Variants in TMC3 observed in about 807,000 individuals in gnomAD.
The protein encoded by TMC3 is transmembrane channel like 3.
TMC3 carries 98 observed loss-of-function variants against 110.6 expected under a neutral mutation model. The observed-to-expected ratio is 0.89, with a 90% CI of 0.75 to 1.05. TMC3 has a LOEUF of 1.05. TMC3 is among the 50% of genes least tolerant of loss of function. TMC3 has a pLI of 0.00. For missense variants in TMC3, 1,319 were observed against 1,373.2 expected, an observed-to-expected ratio of 0.96 and a Z score of 0.62; for synonymous variants, 489 against 513.1, an observed-to-expected ratio of 0.95 and a Z score of 0.63.
chr15:81,349,942 G>C (rs1480770264), intron 10 of TMC3, among the ~76,000 whole-genome samples: 2 of 139,616 alleles, frequency 1.4e-5, no homozygotes, highest in African/African-American at 5.7e-5. Flanking sequence ...GGGCAACACA[G>C]CAAGACCCCA....
In TMC3 at chr15:81,355,917, C is replaced by G. The variant is rs553356164; in HGVS notation, c.892-149G>C. The stretch of plus-strand genomic sequence containing the variant: ...CAATTGATATAAATGAATTAGATAT[C>G]AATAATCTAATCAATTGAAAAAATA... On this transcript the variant is annotated intron_variant, in intron 8 of 21. Transcript: ENST00000359440. The G allele has an allele frequency of 8.1e-5, 46 of 571,110 alleles. No homozygotes were observed. In the East Asian group the frequency reaches 1.2e-3, roughly 14 times the overall value. The allele number at this position is 571,110 out of a possible 1,614,324, so 35.4% of individuals were successfully genotyped here. A position where few individuals can be genotyped will look rare whatever the true frequency, so the allele number is the denominator to read the frequency against.
intron 13 of TMC3, among the ~76,000 whole-genome samples, chr15:81,344,263 G>A (rs1254652446): frequency 6.6e-6 from 1 of 152,190 alleles, no homozygotes; most frequent in Non-Finnish European, 1.5e-5. Flanking sequence ...ATTTGAATTC[G>A]AATTTTGATA....
At chr15:81,357,334 G>C (rs1341119160) in intron 7 of TMC3, among the ~76,000 whole-genome samples, 2 of 151,880 alleles carry the variant, frequency 1.3e-5, no homozygotes, top group East Asian at 3.9e-4. Context: ...GCTTCTATCT[G>C]CATTTTGCTA....
intron 1 of TMC3, 133 bp from the exon 2 acceptor site, chr15:81,372,870 C>CGTGCGT (rs1555429987): frequency 1.8e-5 from 10 of 555,606 alleles, no homozygotes; most frequent in East Asian, 5.8e-5. Flanking sequence ...TGTGTTTGTG[C>CGTGCGT]GTGTGTGTGT....
In TMC3 at chr15:81,372,704, T is replaced by C; in HGVS notation, c.123A>G (p.Thr41=). 1 of 1,614,020 alleles carries C rather than the reference T, an allele frequency of 6.2e-7. No homozygotes were observed. Among genetic ancestry groups the C allele is most frequent in the Non-Finnish European group, 8.5e-7 (1 of 1,179,880 alleles). ...NLDDSFSADE[T]GDSNDPEQIF... ...TTTGTTCCGGATCATTGCTGTCCCC[T>C]GTTTCATCAGCACTAAAGCTGTCAT... Residue 41 remains threonine (T), a synonymous_variant, in exon 2 of 22, where the codon ACA becomes ACG. Coordinates refer to ENST00000359440, the MANE Select transcript of TMC3 (RefSeq NM_001080532.3).
At position 81,344,774 on chromosome 15, in the gene TMC3, C is replaced by T. The variant is rs996652178; in HGVS notation, c.1510G>A (p.Val504Ile). 32 of 1,613,638 alleles carry T rather than the reference C, an allele frequency of 2.0e-5. No homozygotes were observed. The highest frequency in any genetic ancestry group is 1.3e-4 in the Admixed American group (8 of 60,008). ...AGGGTAAAGAGAACCACCTGACCAA[C>T]GTATGTCTCCCAGCACTGGTCTTGT... Reference protein sequence around the residue: ...SPQDQCWETYVGQEMLKLSII... With the variant: ...SPQDQCWETYIGQEMLKLSII... The change falls in exon 13 of 22, where the codon GTT becomes ATT. Residue 504 changes from valine (V) to isoleucine (I), a missense_variant. Val to Ile is a conservative substitution (Grantham distance 29). Coordinates refer to ENST00000359440, the MANE Select transcript of TMC3 (RefSeq NM_001080532.3).
intron 2 of TMC3, among the ~76,000 whole-genome samples, chr15:81,369,542 T>G (rs1441482839): frequency 6.6e-6 from 1 of 152,210 alleles, no homozygotes; most frequent in Non-Finnish European, 1.5e-5. Flanking sequence ...TTTATATCCT[T>G]ATTTATTTTT....
chr15:81,349,126 C>T (rs181116950), intron 11 of TMC3, among the ~76,000 whole-genome samples: 6 of 152,258 alleles, frequency 3.9e-5, no homozygotes, highest in Middle Eastern at 3.4e-3. Flanking sequence ...CCACCACGCC[C>T]GACCCTTGGT....
At chr15:81,355,690 T>C in intron 9 of TMC3, 35 bp downstream of exon 9, 1 of 1,440,450 alleles carries the variant, frequency 6.9e-7, no homozygotes, top group East Asian at 2.3e-5. Context: ...ATAAAACTTA[T>C]CAATGAATTC....
Position 81,339,781 on chromosome 15 carries a change from T to C in TMC3, c.1845-277A>G, listed in dbSNP as rs557821934. The stretch of plus-strand genomic sequence containing the variant: ...TGTTCACCTCAAACCATAAAAGTGG[T>C]GAACTCACCCTGGCACCCAGGAGTT... On this transcript the variant is annotated intron_variant, in intron 16 of 21. Coordinates refer to ENST00000359440, the MANE Select transcript of TMC3 (RefSeq NM_001080532.3). Among the ~76,000 whole-genome samples, 7 of 152,320 alleles carry C rather than the reference T, an allele frequency of 4.6e-5. No homozygotes were observed. The East Asian group carries it at 1.3e-3, about 29-fold the overall frequency.
rs1893771699 is a variant in TMC3, at chr15:81,344,019, G to A, written c.1545C>T (p.Asp515=). 1.2e-6 allele frequency: 2 copies of A among 1,611,688 alleles called. No individual in the cohort carries two copies. Among genetic ancestry groups the A allele is most frequent in the Admixed American group, 1.7e-5 (1 of 59,960 alleles). Reference sequence around the variant, plus strand: ...GAATGCTCGCCACGGTGAAGAGCATGTCAATGATGGAGAGCTTCAGCATCT... The same window carrying A: ...GAATGCTCGCCACGGTGAAGAGCATATCAATGATGGAGAGCTTCAGCATCT... ...GQEMLKLSII[D]MLFTVASILL... is the part of the protein sequence containing the mutation. Residue 515 remains aspartate (D), a synonymous_variant, in exon 14 of 22, where the codon GAC becomes GAT. Transcript: ENST00000359440.
intron 11 of TMC3, among the ~76,000 whole-genome samples, chr15:81,348,225 G>C (rs1893866660): frequency 6.6e-6 from 1 of 152,176 alleles, no homozygotes; most frequent in South Asian, 2.1e-4. Flanking sequence ...TCCTGAATGA[G>C]AGCAAATCTT....
chr15:81,339,171 A>T (rs1893659829), intron 17 of TMC3, among the ~76,000 whole-genome samples: 1 of 152,202 alleles, frequency 6.6e-6, no homozygotes, highest in Non-Finnish European at 1.5e-5. Flanking sequence ...TCTCTTTTTC[A>T]CTTTAAAAGG....
intron 11 of TMC3, 142 bp from the exon 12 acceptor site, chr15:81,346,585 C>A (rs537841823): frequency 3.8e-6 from 3 of 784,892 alleles, no homozygotes; most frequent in East Asian, 5.4e-5. Context: ...AATCACCTTG[C>A]GGGCATTTTT....
chr15:81,333,250 A>C lies in TMC3; in HGVS notation c.2472T>G (p.Gly824=). Residue 824 remains glycine, a synonymous_variant, in exon 22 of 22, where the codon GGT becomes GGG. Coordinates refer to ENST00000359440, the MANE Select transcript of TMC3 (RefSeq NM_001080532.3). ...GAAGGTCACTGGTGCTTGCACACAGACCGTGCAGATACCTGTAAGACAGGG... is the reference window on the plus strand; with the variant it reads ...GAAGGTCACTGGTGCTTGCACACAGCCCGTGCAGATACCTGTAAGACAGGG... ...LEHETNRYLH[G]LCASTSDLHR... 2 of 1,609,584 alleles carry C rather than the reference A, an allele frequency of 1.2e-6. No individual in the cohort carries two copies. The highest frequency in any genetic ancestry group is 1.7e-6 in the Non-Finnish European group (2 of 1,177,090).
chr15:81,339,566 A>G, intron 16 of TMC3, 62 bp from the exon 17 acceptor site: 3 of 1,270,946 alleles, frequency 2.4e-6, no homozygotes, highest in Non-Finnish European at 3.4e-6. Context: ...AGGGTTGCAT[A>G]TGCCCAAAGA....
At chr15:81,337,506 TTCTC>T in intron 19 of TMC3, 2 of 409,582 alleles carry the variant, frequency 4.9e-6, no homozygotes, top group Non-Finnish European at 9.1e-6. Flanking sequence ...AAGGGGCCCT[TTCTC>T]TCCCCTGCCA....
intron 11 of TMC3, among the ~76,000 whole-genome samples, chr15:81,348,171 A>G (rs575522613): frequency 4.3e-4 from 66 of 152,378 alleles, no homozygotes; most frequent in African/African-American, 1.5e-3. Context: ...CCACAAAACC[A>G]CAAGTATTTA....
chr15:81,356,042 A>G (rs1440295092), intron 8 of TMC3, among the ~76,000 whole-genome samples: 1 of 152,136 alleles, frequency 6.6e-6, no homozygotes, highest in Non-Finnish European at 1.5e-5. Flanking sequence ...AGCTGTCTGT[A>G]TAGTTCAATA....
Sources: gnomAD v4.1 joint callset for allele counts (sites outside exome capture counted in the v4.1 genomes callset) on GRCh38, gnomAD v4.1.1 for gene constraint, MANE v1.5 for transcripts, NCBI Gene and HGNC (gene_info 2026-07-23, HGNC 2026-07-21) for gene names.